COL23A1: variants seen among roughly 807,000 people sequenced by gnomAD.
The protein encoded by COL23A1 is collagen type XXIII alpha 1 chain.
Under a neutral mutation model 99.3 loss-of-function variants are expected in COL23A1, and 97 were observed. The observed-to-expected ratio is 0.98, with a 90% CI of 0.83 to 1.16. The LOEUF is 1.16. COL23A1 is among the 50% of genes most tolerant of loss of function. The pLI, the probability that COL23A1 is intolerant of heterozygous loss-of-function variation, is 0.00. For missense variants in COL23A1, 762 were observed against 757.4 expected, an observed-to-expected ratio of 1.01 and a Z score of -0.07; for synonymous variants, 320 against 308.2, an observed-to-expected ratio of 1.04 and a Z score of -0.40.
intron 2 of COL23A1, among the ~76,000 whole-genome samples, chr5:178,440,301 T>C (rs1766791979): frequency 6.6e-6 from 1 of 152,116 alleles, no homozygotes; most frequent in South Asian, 2.1e-4. Flanking sequence ...CCAAGCCCCG[T>C]GGAACTCTCT....
intron 2 of COL23A1, among the ~76,000 whole-genome samples, chr5:178,420,874 A>G (rs911507962): frequency 5.3e-4 from 80 of 151,342 alleles, no homozygotes; most frequent in African/African-American, 1.9e-3. Context: ...GTTATTTTCA[A>G]TTTATTTGTA....
intron 2 of COL23A1, among the ~76,000 whole-genome samples, chr5:178,358,248 G>GTATGTGTGTGTGTGTATA (rs796141502): frequency 1.6e-5 from 2 of 125,724 alleles, no homozygotes; most frequent in South Asian, 2.5e-4. Context: ...GTATGTGTAT[G>GTATGTGTGTGTGTGTATA]TGTGTGTATG....
At chr5:178,359,715 C>T (rs994004450) in intron 2 of COL23A1, among the ~76,000 whole-genome samples, 3 of 152,202 alleles carry the variant, frequency 2.0e-5, no homozygotes, top group Admixed American at 6.5e-5. Flanking sequence ...TTAGTAAAGT[C>T]GCAGAGCTCA....
At chr5:178,536,115 C>G (rs550486049) in intron 2 of COL23A1, among the ~76,000 whole-genome samples, 2 of 152,252 alleles carry the variant, frequency 1.3e-5, no homozygotes, top group Non-Finnish European at 2.9e-5. Flanking sequence ...GCAGCCACTA[C>G]GGAGGATGGG....
intron 2 of COL23A1, among the ~76,000 whole-genome samples, chr5:178,357,231 G>T (rs1761706577): frequency 6.6e-6 from 1 of 152,208 alleles, no homozygotes; most frequent in Non-Finnish European, 1.5e-5. Flanking sequence ...CCTGCTTTCT[G>T]AAGTGCCGGG....
intron 5 of COL23A1, among the ~76,000 whole-genome samples, chr5:178,285,704 G>A (rs763510064): frequency 4.6e-5 from 7 of 152,308 alleles, no homozygotes; most frequent in African/African-American, 9.6e-5. Context: ...TCAAAGCCAC[G>A]GTGATCCTCT....
intron 25 of COL23A1, 118 bp from the exon 26 acceptor site, chr5:178,242,512 G>A: frequency 1.0e-6 from 1 of 954,086 alleles, no homozygotes; most frequent in East Asian, 2.6e-5. Context: ...GCATATTCGT[G>A]GCACACGCTG....
intron 2 of COL23A1, chr5:178,377,850 C>G (rs894009079): frequency 1.3e-5 from 2 of 152,478 alleles, no homozygotes; most frequent in African/African-American, 4.8e-5. Context: ...GGGCCCACGA[C>G]ACACGGTGGA....
At chr5:178,285,090 G>C (rs1757084168) in intron 5 of COL23A1, among the ~76,000 whole-genome samples, 1 of 152,226 alleles carries the variant, frequency 6.6e-6, no homozygotes, top group Admixed American at 6.5e-5. Flanking sequence ...CGGAGGGCAT[G>C]GACAGGGCGA....
intron 2 of COL23A1, among the ~76,000 whole-genome samples, chr5:178,552,587 G>A (rs940466648): frequency 1.3e-5 from 2 of 151,764 alleles, no homozygotes; most frequent in African/African-American, 4.8e-5. Flanking sequence ...AATCCTATGA[G>A]AGGCTGGGCA....
chr5:178,442,242 G>A (rs1047734061), intron 2 of COL23A1, among the ~76,000 whole-genome samples: 2 of 149,980 alleles, frequency 1.3e-5, no homozygotes, highest in African/African-American at 2.5e-5. Flanking sequence ...CAGGAAAGAG[G>A]GAGAGGCCTG....
In COL23A1 at chr5:178,439,747, CA is replaced by C. The variant is rs1375322862; in HGVS notation, c.361+120934del. On this transcript the variant is annotated intron_variant, in intron 2 of 28. Transcript: ENST00000390654. The surrounding 1 kb of genome is among the most constrained non-coding windows in gnomAD (Gnocchi z 4.2). ...AACATACGTCCATACAACTCAGATG[CA>C]AATGCTCATAGAAGCGTTCTTCAAA... 3 of 152,250 alleles carry C rather than the reference CA, an allele frequency of 2.0e-5. No individual in the cohort carries two copies. The highest frequency in any genetic ancestry group is 4.4e-5 in the Non-Finnish European group (3 of 68,054). The allele number at this position is 152,250 out of a possible 1,614,324, so 9.4% of individuals were successfully genotyped here.
At position 178,306,163 on chromosome 5, in the gene COL23A1, C is replaced by A. The variant is rs541013949; in HGVS notation, c.406+712G>T. ...CCCGGGTCACAGATGAGGGAGGAAG[C>A]GCAGGGAGGAAGCGCAGCCCAGACA... is the stretch of plus-strand genomic sequence containing the variant. On this transcript the variant is annotated intron_variant, in intron 3 of 28. Transcript: ENST00000390654. This position sits in a 1 kb window ranked among gnomAD's most constrained non-coding sequence, Gnocchi z 4.1. Among the ~76,000 whole-genome samples the A allele has an allele frequency of 6.6e-6, 1 of 151,860 alleles. No individual in the cohort carries two copies. The highest frequency in any genetic ancestry group is 2.1e-4 in the South Asian group (1 of 4,812).
intron 2 of COL23A1, among the ~76,000 whole-genome samples, chr5:178,550,142 A>C (rs1007845382): frequency 4.6e-5 from 7 of 152,192 alleles, no homozygotes; most frequent in African/African-American, 1.7e-4. Context: ...GAAACCTAGC[A>C]AGTTGTTTTA....
intron 19 of COL23A1, 69 bp from the exon 20 acceptor site, chr5:178,248,323 G>A: frequency 8.0e-7 from 1 of 1,243,676 alleles, no homozygotes; most frequent in Non-Finnish European, 1.2e-6. Context: ...GGTGCTTAGT[G>A]ACCTCCCTTC....
At chr5:178,353,329 G>C (rs1212255763) in intron 2 of COL23A1, among the ~76,000 whole-genome samples, 3 of 152,016 alleles carry the variant, frequency 2.0e-5, no homozygotes, top group Admixed American at 1.3e-4. Context: ...AAACCTCAGA[G>C]GCCATAAAAG....
intron 2 of COL23A1, among the ~76,000 whole-genome samples, chr5:178,329,650 C>T (rs1340353638): frequency 2.0e-5 from 3 of 152,174 alleles, no homozygotes; most frequent in Non-Finnish European, 4.4e-5. Context: ...GGATGAAAGG[C>T]TCACACATGG....
intron 2 of COL23A1, among the ~76,000 whole-genome samples, chr5:178,522,942 G>A (rs982052229): frequency 2.0e-5 from 3 of 151,348 alleles, no homozygotes; most frequent in Non-Finnish European, 4.4e-5. Context: ...GGAATGAGTT[G>A]GGCATCCCCT....
intron 1 of COL23A1, among the ~76,000 whole-genome samples, chr5:178,587,749 T>C (rs191386416): frequency 6.6e-6 from 1 of 152,348 alleles, no homozygotes; most frequent in Non-Finnish European, 1.5e-5. Context: ...ACTCACTCCC[T>C]GTATGTGCCT....
Sources: allele counts gnomAD v4.1 joint callset (sites outside exome capture counted in the v4.1 genomes callset), GRCh38; gene constraint gnomAD v4.1.1; non-coding constraint Gnocchi (gnomAD v3.1); transcripts MANE v1.5; gene names NCBI Gene and HGNC (gene_info 2026-07-23, HGNC 2026-07-21).